Variants in GALNTL6 observed in about 807,000 individuals in gnomAD.
The protein encoded by GALNTL6 is polypeptide N-acetylgalactosaminyltransferase-like 6.
A neutral mutation model predicts 73.7 loss-of-function variants in GALNTL6; 46 were observed. The observed-to-expected ratio is 0.62, with a 90% CI of 0.49 to 0.80. GALNTL6 has a LOEUF of 0.80. Ranked by LOEUF, GALNTL6 falls within the 30% of genes least tolerant of loss-of-function variation. The pLI is 0.00. For synonymous variants in GALNTL6, 259 were observed against 263.7 expected (o/e 0.98, Z 0.17); for missense variants, 604 against 755.0 (o/e 0.80, Z 2.34).
intron 5 of GALNTL6, among the ~76,000 whole-genome samples, chr4:172,359,408 G>C (rs999403443): frequency 6.6e-6 from 1 of 152,074 alleles, no homozygotes; most frequent in African/African-American, 2.4e-5. Context: ...TTGGGTACTA[G>C]GCTTAGTACC....
intron 2 of GALNTL6, among the ~76,000 whole-genome samples, chr4:172,201,865 C>T (rs1443697668): frequency 2.0e-5 from 3 of 152,146 alleles, no homozygotes; most frequent in Non-Finnish European, 4.4e-5. Context: ...CCTGCAGAAA[C>T]AGAGGGGTAT....
At chr4:172,315,068 TCA>T (rs1268443797) in intron 4 of GALNTL6, among the ~76,000 whole-genome samples, 2 of 152,358 alleles carry the variant, frequency 1.3e-5, no homozygotes, top group African/African-American at 4.8e-5. Flanking sequence ...AATAATTTGA[TCA>T]GTCTTACTTT....
intron 2 of GALNTL6, among the ~76,000 whole-genome samples, chr4:172,181,049 G>A (rs1291710157): frequency 6.6e-6 from 1 of 152,078 alleles, no homozygotes; most frequent in Non-Finnish European, 1.5e-5. Context: ...ATTACTTTGG[G>A]CAGTATGACC....
chr4:172,813,864 G>T, intron 7 of GALNTL6, 141 bp downstream of exon 7: 1 of 575,062 alleles, frequency 1.7e-6, no homozygotes, highest in South Asian at 3.5e-5. Context: ...TCACAGAAAG[G>T]TCAGACCTAC....
At chr4:172,888,508 T>C (rs1467030499) in intron 8 of GALNTL6, among the ~76,000 whole-genome samples, 2 of 152,194 alleles carry the variant, frequency 1.3e-5, no homozygotes, top group Non-Finnish European at 2.9e-5. Context: ...ATTTATTGAA[T>C]ATGGAGTTCT....
intron 2 of GALNTL6, among the ~76,000 whole-genome samples, chr4:171,932,504 G>A (rs1738219115): frequency 6.6e-6 from 1 of 152,180 alleles, no homozygotes; most frequent in South Asian, 2.1e-4. Context: ...GAAGCCATTT[G>A]GAGCCAGGTT....
chr4:173,001,167 G>A (rs1752028282), intron 10 of GALNTL6, among the ~76,000 whole-genome samples: 1 of 152,164 alleles, frequency 6.6e-6, no homozygotes, highest in Non-Finnish European at 1.5e-5. Flanking sequence ...AGCATATTAT[G>A]TACTCTCTTT....
At chr4:172,467,805 A>G (rs1212563153) in intron 5 of GALNTL6, among the ~76,000 whole-genome samples, 2 of 120,880 alleles carry the variant, frequency 1.7e-5, no homozygotes, top group Non-Finnish European at 3.6e-5. Flanking sequence ...AGCATTTTAC[A>G]TTTTCTTTCT....
intron 5 of GALNTL6, among the ~76,000 whole-genome samples, chr4:172,414,743 A>G (rs565300414): frequency 6.6e-6 from 1 of 152,320 alleles, no homozygotes; most frequent in African/African-American, 2.4e-5. Flanking sequence ...TACTGAGGCT[A>G]TCTCAAAGCA....
In GALNTL6 at chr4:172,423,951, G is replaced by A. The variant is rs566329909; in HGVS notation, c.553+75262G>A. Among the ~76,000 whole-genome samples, 170 of 152,120 alleles carry A rather than the reference G, an allele frequency of 1.1e-3. 7 individuals are homozygous for A. The South Asian group carries it at 0.034, about 30-fold the overall frequency. On this transcript the variant is annotated intron_variant, in intron 5 of 12. Coordinates refer to ENST00000506823, the MANE Select transcript of GALNTL6 (RefSeq NM_001034845.3). ...GATATAGAGCATTGAAGCATTGAAG[G>A]CAAGTTACTTACATGCCTCAGCTTT...
Position 172,153,176 on chromosome 4 carries a change from T to C in GALNTL6, c.139-76480T>C, listed in dbSNP as rs946689688. ...GAGACTTTATTCTAAAACTTTAATA[T>C]ACAGCTTTGACATCTGAAGAGATTT... On this transcript the variant is annotated intron_variant, in intron 2 of 12. Transcript: ENST00000506823. Among the ~76,000 whole-genome samples the C allele has an allele frequency of 6.6e-5, 10 of 152,308 alleles. No individual in the cohort carries two copies. In the East Asian group the frequency reaches 1.7e-3, roughly 26 times the overall value.
At chr4:172,062,008 G>A (rs942562708) in intron 2 of GALNTL6, among the ~76,000 whole-genome samples, 6 of 147,326 alleles carry the variant, frequency 4.1e-5, no homozygotes, top group Admixed American at 3.5e-4. Flanking sequence ...GAGTGCAATG[G>A]CACGATCTTG....
chr4:172,972,542 C>T (rs1750629454), intron 10 of GALNTL6, among the ~76,000 whole-genome samples: 1 of 152,202 alleles, frequency 6.6e-6, no homozygotes, highest in African/African-American at 2.4e-5. Context: ...CTAGAAATAA[C>T]TTCAATCCAA....
intron 5 of GALNTL6, among the ~76,000 whole-genome samples, chr4:172,729,546 G>C (rs1736028513): frequency 6.6e-6 from 1 of 152,140 alleles, no homozygotes; most frequent in South Asian, 2.1e-4. Flanking sequence ...CAGGCTGTAA[G>C]TGCATGGATT....
intron 5 of GALNTL6, among the ~76,000 whole-genome samples, chr4:172,636,027 A>T (rs1236222871): frequency 6.6e-6 from 1 of 152,164 alleles, no homozygotes; most frequent in Non-Finnish European, 1.5e-5. Context: ...TATAACACTC[A>T]CTCAGTACAG....
chr4:172,029,347 T>C (rs1741693041), intron 2 of GALNTL6, among the ~76,000 whole-genome samples: 2 of 152,046 alleles, frequency 1.3e-5, no homozygotes, highest in Non-Finnish European at 2.9e-5. Context: ...TTAATTTTTA[T>C]AATATACTAG....
chr4:172,120,209 T>C (rs1418431104), intron 2 of GALNTL6, among the ~76,000 whole-genome samples: 1 of 152,170 alleles, frequency 6.6e-6, no homozygotes, highest in Non-Finnish European at 1.5e-5. Context: ...GTTAAAGATT[T>C]ATTAGTTTCC....
chr4:172,248,679 G>A (rs572385456), intron 3 of GALNTL6, among the ~76,000 whole-genome samples: 10 of 152,178 alleles, frequency 6.6e-5, no homozygotes, highest in South Asian at 2.1e-4. Flanking sequence ...AGAGGGATCC[G>A]GTGGGAGGTA....
intron 2 of GALNTL6, among the ~76,000 whole-genome samples, chr4:172,132,977 C>A (rs951418079): frequency 6.6e-6 from 1 of 152,104 alleles, no homozygotes; most frequent in Non-Finnish European, 1.5e-5. Context: ...TGCTTTAATT[C>A]ATCTAATTTT....
Sources: allele counts gnomAD v4.1 joint callset (sites outside exome capture counted in the v4.1 genomes callset), GRCh38; gene constraint gnomAD v4.1.1; transcripts MANE v1.5; gene names NCBI Gene and HGNC (gene_info 2026-07-23, HGNC 2026-07-21).